ERAP1: variants seen among roughly 807,000 people sequenced by gnomAD.
ERAP1 encodes adipocyte-derived leucine aminopeptidase.
Under a neutral mutation model 103.7 loss-of-function variants are expected in ERAP1, and 86 were observed. The observed-to-expected ratio is 0.83, with a 90% CI of 0.70 to 0.99. ERAP1 has a LOEUF of 0.99. Ranked by LOEUF, ERAP1 falls within the 50% of genes least tolerant of loss-of-function variation. The probability of loss-of-function intolerance (pLI) is 0.00; values close to 1 mark genes in which losing one functional copy is unlikely to be tolerated. For synonymous variants in ERAP1, 398 were observed against 402.4 expected (o/e 0.99, Z 0.13); for missense variants, 1,009 against 1,128.4 (o/e 0.89, Z 1.52).
chr5:96,762,059 A>G (rs972786317), exon 20 of ERAP1: 134 of 390,580 alleles, frequency 3.4e-4, no homozygotes, highest in African/African-American at 2.5e-3. Flanking sequence ...AGAATAATCA[A>G]TATGAGAAGG....
At chr5:96,837,464 G>T in the ERAP1 span, among the ~76,000 whole-genome samples, 1 of 152,208 alleles carries the variant, frequency 6.6e-6, no homozygotes, top group African/African-American at 2.4e-5. Context: ...AGGAGCTTCA[G>T]CCAGGGTGAA....
chr5:96,806,047 T>TA (rs1332404900), intron 1 of ERAP1: 1 of 152,184 alleles, frequency 6.6e-6, no homozygotes, highest in African/African-American at 2.4e-5. Context: ...TGGGGCTTGG[T>TA]AAAAACTCCA....
At chr5:96,796,659 C>T (rs1361559187) in intron 4 of ERAP1, among the ~76,000 whole-genome samples, 2 of 152,220 alleles carry the variant, frequency 1.3e-5, no homozygotes, top group African/African-American at 2.4e-5. Context: ...CCAGGCCACA[C>T]TCTCTCCACG....
the ERAP1 span, among the ~76,000 whole-genome samples, chr5:96,882,910 T>C: frequency 6.6e-6 from 1 of 152,182 alleles, no homozygotes; most frequent in Non-Finnish European, 1.5e-5. Flanking sequence ...CCTTTTCCAG[T>C]CAAAATCTGC....
intron 19 of ERAP1, chr5:96,767,293 T>C: frequency 1.6e-6 from 1 of 606,186 alleles, no homozygotes; most frequent in Middle Eastern, 2.9e-4. Flanking sequence ...AAAGAAATAG[T>C]GGGGACTCAG....
intron 1 of ERAP1, among the ~76,000 whole-genome samples, chr5:96,806,839 C>A (rs1581650809): frequency 7.8e-6 from 1 of 127,626 alleles, no homozygotes; most frequent in Non-Finnish European, 1.7e-5. Flanking sequence ...AATAAAAATG[C>A]TGGATTAATT....
chr5:96,931,682 G>A, the ERAP1 span, among the ~76,000 whole-genome samples: 2 of 152,176 alleles, frequency 1.3e-5, no homozygotes, highest in African/African-American at 4.8e-5. Context: ...GAGACCTAAG[G>A]AGAATTCTAA....
At chr5:96,863,345 G>A in the ERAP1 span, among the ~76,000 whole-genome samples, 1 of 152,134 alleles carries the variant, frequency 6.6e-6, no homozygotes, top group African/African-American at 2.4e-5. Flanking sequence ...TTAGCCCTCT[G>A]CAGTGTGGTT....
chr5:96,911,851 A>G, the ERAP1 span, among the ~76,000 whole-genome samples: 1 of 114,938 alleles, frequency 8.7e-6, no homozygotes, highest in East Asian at 2.8e-4. Flanking sequence ...TGAACAACAG[A>G]GTAAGACCCT....
the ERAP1 span, chr5:96,892,551 C>T: frequency 7.1e-7 from 1 of 1,406,860 alleles, no homozygotes; most frequent in South Asian, 1.3e-5. Flanking sequence ...ATCTCATTTA[C>T]CTCTAGAGGG....
At chr5:96,815,407 G>GTTTTTTTTTTTTTTTTTTTTTTTT in the ERAP1 span, among the ~76,000 whole-genome samples, 1 of 105,456 alleles carries the variant, frequency 9.5e-6, no homozygotes, top group Non-Finnish European at 2.1e-5. Flanking sequence ...TGTTTGTTTT[G>GTTTTTTTTTTTTTTTTTTTTTTTT]TTTTTTATTT....
exon 20 of ERAP1, chr5:96,763,073 G>T: frequency 1.3e-6 from 1 of 769,342 alleles, no homozygotes. Flanking sequence ...ATCTCCTTTG[G>T]TTGAGAACAG....
chr5:96,927,922 T>C, the ERAP1 span, among the ~76,000 whole-genome samples: 1 of 152,038 alleles, frequency 6.6e-6, no homozygotes, highest in Admixed American at 6.6e-5. Context: ...CTTTCTTTCT[T>C]TGAGACAGAG....
chr5:96,909,873 A>AG, the ERAP1 span: 1 of 1,122,892 alleles, frequency 8.9e-7, no homozygotes, highest in Non-Finnish European at 1.3e-6. Context: ...AGAAAAAAAA[A>AG]CATGCTGGGC....
chr5:96,877,113 T>C, the ERAP1 span, among the ~76,000 whole-genome samples: 4 of 152,308 alleles, frequency 2.6e-5, no homozygotes, highest in African/African-American at 9.6e-5. Flanking sequence ...TAGCTAGGAC[T>C]ACGGGCATGT....
chr5:96,888,292 T>C, the ERAP1 span, among the ~76,000 whole-genome samples: 1 of 152,230 alleles, frequency 6.6e-6, no homozygotes, highest in Non-Finnish European at 1.5e-5. Context: ...TGGATGTCTA[T>C]GCATAGACAT....
At position 96,781,099 on chromosome 5, in the gene ERAP1, G is replaced by A; in HGVS notation, c.2547C>T (p.Ala849=). 1 of 1,613,776 alleles carries A rather than the reference G, an allele frequency of 6.2e-7. No homozygotes were observed. ...IGRNPVGYPL[A]WQFLRKNWNK... The stretch of plus-strand genomic sequence containing the variant: ...TCCAGTTTTTCCTCAGAAATTGCCA[G>A]GCCAGTGGGTATCCTACTGGGTTCC... Residue 849 remains alanine, a synonymous_variant, in exon 17 of 19, where the codon GCC becomes GCT. Coordinates refer to ENST00000443439, the MANE Select transcript of ERAP1 (RefSeq NM_001040458.3).
At chr5:96,811,549 C>T (rs1270928664), upstream of ERAP1, among the ~76,000 whole-genome samples, 3 of 152,188 alleles carry the variant, frequency 2.0e-5, no homozygotes, top group Admixed American at 6.5e-5. Context: ...GCCCTCAGCT[C>T]CAGCTGTCCT....
At chr5:96,840,213 C>G in the ERAP1 span, among the ~76,000 whole-genome samples, 3 of 152,174 alleles carry the variant, frequency 2.0e-5, no homozygotes, top group Non-Finnish European at 1.5e-5. Context: ...TGTCTCAAAA[C>G]TTTTAAAGAT....
Sources: gnomAD v4.1 joint callset for allele counts (sites outside exome capture counted in the v4.1 genomes callset) on GRCh38, gnomAD v4.1.1 for gene constraint, MANE v1.5 for transcripts, NCBI Gene and HGNC (gene_info 2026-07-23, HGNC 2026-07-21) for gene names.